The following PAM variants were observed in gnomAD, a reference collection of about 807,000 sequenced individuals.
PAM encodes the protein peptidylglycine alpha-amidating monooxygenase, also known as peptidyl-glycine alpha-amidating monooxygenase.
A neutral mutation model predicts 122.1 loss-of-function variants in PAM; 72 were observed. That is an observed-to-expected ratio of 0.59 (90% confidence interval 0.49 to 0.72). PAM has a LOEUF of 0.72. PAM is among the 30% of genes least tolerant of loss of function. The pLI is 0.00. For missense variants in PAM, 1,106 were observed against 1,183.7 expected (o/e 0.93, Z 0.96); for synonymous variants, 389 against 404.4 (o/e 0.96, Z 0.46).
rs200835831 is a variant in PAM, at chr5:102,827,318, C to CA, written c.-373-38496dup. Among the ~76,000 whole-genome samples the CA allele has an allele frequency of 9.8e-3, 1,482 of 150,644 alleles. 24 individuals are homozygous for CA. Among genetic ancestry groups the CA allele is most frequent in the African/African-American group, 0.032 (1,302 of 41,078 alleles). ...ATATAATGGAACATATTCCAAAATC[C>CA]AAAAAAAAATCCAAAACCTGAAACC... On this transcript the variant is annotated intron_variant, in intron 1 of 25. Coordinates refer to ENST00000438793, the MANE Select transcript of PAM (RefSeq NM_001177306.2).
intron 1 of PAM, among the ~76,000 whole-genome samples, chr5:102,786,416 G>A (rs1406161868): frequency 6.6e-6 from 1 of 152,186 alleles, no homozygotes; most frequent in Non-Finnish European, 1.5e-5. Context: ...AATCATTAGT[G>A]TAAGCTCTTA....
chr5:103,028,129 T>G, intron 24 of PAM, 56 bp from the exon 25 acceptor site: 1 of 1,345,198 alleles, frequency 7.4e-7, no homozygotes. Context: ...GTTGAGTGCA[T>G]GGGTTGAGAA....
intron 1 of PAM, among the ~76,000 whole-genome samples, chr5:102,804,333 G>A (rs1462475869): frequency 3.3e-5 from 5 of 152,110 alleles, no homozygotes; most frequent in Admixed American, 2.0e-4. Context: ...AATTATTAAA[G>A]GGGCGAGACA....
chr5:102,947,756 G>A (rs1181711897), intron 8 of PAM, among the ~76,000 whole-genome samples: 1 of 152,128 alleles, frequency 6.6e-6, no homozygotes, highest in Non-Finnish European at 1.5e-5. Flanking sequence ...TTAGACCAGG[G>A]CATGAATGTC....
chr5:103,000,999 C>T (rs928882893), intron 16 of PAM, among the ~76,000 whole-genome samples: 1 of 152,056 alleles, frequency 6.6e-6, no homozygotes, highest in African/African-American at 2.4e-5. Flanking sequence ...TTAAAAAATA[C>T]ACCACACAAT....
At chr5:102,921,851 G>A (rs984069312) in intron 5 of PAM, among the ~76,000 whole-genome samples, 2 of 152,126 alleles carry the variant, frequency 1.3e-5, no homozygotes, top group African/African-American at 4.8e-5. Flanking sequence ...GACTGTGACA[G>A]CCAGAGCTTT....
At position 103,003,021 on chromosome 5, in the gene PAM, C is replaced by T. The variant is rs768983293; in HGVS notation, c.1614-12C>T. 1.6e-6 allele frequency: 2 copies of T among 1,268,262 alleles called. No individual in the cohort carries two copies. Among genetic ancestry groups the T allele is most frequent in the South Asian group, 1.2e-5 (1 of 83,574 alleles). The allele number at this position is 1,268,262 out of a possible 1,614,324, so 78.6% of individuals were successfully genotyped here. A position where few individuals can be genotyped will look rare whatever the true frequency, so the allele number is the denominator to read the frequency against. On this transcript the variant is annotated splice_polypyrimidine_tract_variant and intron_variant, in intron 16 of 25. Transcript: ENST00000438793. ...TGATTGTTTCATGTCCTATTTAATG[C>T]TTTTTGTTTAGCTCGTTTGACAGCA...
chr5:103,023,553 A>C (rs1431886448), intron 23 of PAM, among the ~76,000 whole-genome samples: 2 of 151,806 alleles, frequency 1.3e-5, no homozygotes, highest in African/African-American at 2.4e-5. Context: ...TAGAAATCAC[A>C]TCTGTATTCC....
At chr5:102,812,336 G>C (rs954650590) in intron 1 of PAM, among the ~76,000 whole-genome samples, 5 of 151,858 alleles carry the variant, frequency 3.3e-5, no homozygotes, top group Admixed American at 3.3e-4. Context: ...CACACAAAGC[G>C]TAAGATAATT....
intron 14 of PAM, among the ~76,000 whole-genome samples, chr5:102,965,690 C>T (rs1293152699): frequency 1.3e-5 from 2 of 151,960 alleles, no homozygotes; most frequent in African/African-American, 4.8e-5. Flanking sequence ...ACTCAAAGGT[C>T]AGCATAAGCT....
Position 102,872,686 on chromosome 5 carries a change from G to C in PAM, c.210+5293G>C, listed in dbSNP as rs1173283110. 2.0e-5 allele frequency among the ~76,000 whole-genome samples: 3 copies of C among 152,086 alleles called. No individual in the cohort carries two copies. The East Asian group carries it at 5.8e-4, about 29-fold the overall frequency. ...TGCTCAGAATATCTGTTTTATCAGA[G>C]GTAATATACAAGTTAAATGCAGAAT... On this transcript the variant is annotated intron_variant, in intron 3 of 25. Transcript: ENST00000438793.
intron 7 of PAM, among the ~76,000 whole-genome samples, chr5:102,939,357 C>T (rs1407725892): frequency 6.6e-6 from 1 of 152,114 alleles, no homozygotes; most frequent in East Asian, 1.9e-4. Flanking sequence ...CTCCCCCACA[C>T]TTTTCGAGTC....
chr5:102,876,809 G>T (rs1266627500), intron 3 of PAM, among the ~76,000 whole-genome samples: 1 of 152,198 alleles, frequency 6.6e-6, no homozygotes, highest in African/African-American at 2.4e-5. Context: ...GAAGGCAAAG[G>T]CTCTATTCTC....
chr5:102,961,224 AC>A lies in PAM; in HGVS notation c.1159del (p.Gln387ArgfsTer12). 6.5e-7 allele frequency: 1 copy of A among 1,542,036 alleles called. No individual in the cohort carries two copies. Among genetic ancestry groups the A allele is most frequent in the Non-Finnish European group, 9.0e-7 (1 of 1,115,166 alleles). ...QPKREEEEVL[D>X]QGDFYSLLSK... ...AAACGAGAAGAAGAAGAAGTGTTAG[AC>A]CAGGGTATGTATGCTTATTTCTATA... On this transcript the variant is annotated frameshift_variant, in exon 14 of 26. Coordinates refer to ENST00000438793, the MANE Select transcript of PAM (RefSeq NM_001177306.2). LOFTEE classifies it high-confidence loss of function.
intron 15 of PAM, among the ~76,000 whole-genome samples, chr5:102,982,826 T>C (rs747587682): frequency 1.3e-5 from 2 of 152,024 alleles, no homozygotes; most frequent in Non-Finnish European, 2.9e-5. Context: ...AAAGGAAACA[T>C]ACCTCTAATG....
chr5:102,897,667 G>A lies in PAM; in HGVS notation c.211-3689G>A, dbSNP rs146101846. ...GAAATAAGCAAAAGGGCCATAACCAGATAAAACTGCATCATGTTATCTATT... is the reference window on the plus strand; with the variant it reads ...GAAATAAGCAAAAGGGCCATAACCAAATAAAACTGCATCATGTTATCTATT... On this transcript the variant is annotated intron_variant, in intron 3 of 25. Transcript: ENST00000438793. Among the ~76,000 whole-genome samples the A allele has an allele frequency of 4.4e-3, 661 of 151,666 alleles. 2 individuals carry two copies. Among genetic ancestry groups the A allele is most frequent in the Non-Finnish European group, 7.3e-3 (495 of 67,700 alleles).
chr5:102,810,561 T>G (rs1580411628), intron 1 of PAM, among the ~76,000 whole-genome samples: 1 of 152,308 alleles, frequency 6.6e-6, no homozygotes, highest in Non-Finnish European at 1.5e-5. Context: ...CCAGGTGCAG[T>G]GGCTCAGGCC....
chr5:102,849,611 A>G lies in PAM; in HGVS notation c.-373-16212A>G, dbSNP rs545282524. Among the ~76,000 whole-genome samples, 4 of 152,064 alleles carry G rather than the reference A, an allele frequency of 2.6e-5. No individual in the cohort carries two copies. In the East Asian group the frequency reaches 5.8e-4, roughly 22 times the overall value. ...AGGTGCATAAGTAAAGGTAACAATCATGGGACACTACTTGGTTCAGTGGAG... is the reference window on the plus strand; with the variant it reads ...AGGTGCATAAGTAAAGGTAACAATCGTGGGACACTACTTGGTTCAGTGGAG... On this transcript the variant is annotated intron_variant, in intron 1 of 25. Coordinates refer to ENST00000438793, the MANE Select transcript of PAM (RefSeq NM_001177306.2).
intron 1 of PAM, among the ~76,000 whole-genome samples, chr5:102,774,218 A>C (rs957314963): frequency 8.5e-5 from 13 of 152,076 alleles, no homozygotes; most frequent in African/African-American, 3.1e-4. Context: ...TATTCGTCTG[A>C]GTATATACCC....
Sources: gnomAD v4.1 joint callset for allele counts (sites outside exome capture counted in the v4.1 genomes callset) on GRCh38, gnomAD v4.1.1 for gene constraint, MANE v1.5 for transcripts, NCBI Gene and HGNC (gene_info 2026-07-23, HGNC 2026-07-21) for gene names.